The following SLC38A10 variants were observed in gnomAD, a reference collection of about 807,000 sequenced individuals.
SLC38A10 encodes solute carrier family 38 member 10.
Under a neutral mutation model 81.0 loss-of-function variants are expected in SLC38A10, and 53 were observed. The observed-to-expected ratio is 0.65, with a 90% confidence interval of 0.53 to 0.82. SLC38A10 has a LOEUF of 0.82. SLC38A10 is among the 40% of genes least tolerant of loss of function. The probability of loss-of-function intolerance (pLI) is 0.00; values close to 1 mark genes in which losing one functional copy is unlikely to be tolerated. For synonymous variants in SLC38A10, 665 were observed against 655.3 expected (o/e 1.01, Z -0.23); for missense variants, 1,471 against 1,545.0 (o/e 0.95, Z 0.80).
At chr17:81,280,971 C>T (rs1029753751) in intron 5 of SLC38A10, among the ~76,000 whole-genome samples, 1 of 152,234 alleles carries the variant, frequency 6.6e-6, no homozygotes, top group Non-Finnish European at 1.5e-5. Context: ...GTTCATCCCG[C>T]GGGCACCAGA....
chr17:81,252,930 A>G, intron 12 of SLC38A10, 143 bp downstream of exon 12: 2 of 1,218,226 alleles, frequency 1.6e-6, no homozygotes, highest in Non-Finnish European at 2.3e-6. Flanking sequence ...AAGACAGAGA[A>G]AACAAAAAGG....
rs75982513 is a variant in SLC38A10, at chr17:81,289,597, C to T, written c.217+94G>A. 0.11 allele frequency: 97,804 copies of T among 853,984 alleles called. 5,896 individuals are homozygous for T. The highest frequency in any genetic ancestry group is 0.14 in the African/African-American group (7,650 of 56,662). 52.9% of individuals were successfully genotyped at this position (853,984 alleles called of 1,614,324 possible). A position where few individuals can be genotyped will look rare whatever the true frequency, so the allele number is the denominator to read the frequency against. ...AAAAAACCCTGCTATCCAAGGAATT[C>T]TTGAAGAATCAAGTAGAGTAAATAA... On this transcript the variant is annotated intron_variant, in intron 2 of 15. Coordinates refer to ENST00000374759, the MANE Select transcript of SLC38A10 (RefSeq NM_001037984.3). This position sits in a 1 kb window ranked among gnomAD's most constrained non-coding sequence, Gnocchi z 5.9.
At chr17:81,268,464 G>A (rs558347310) in intron 10 of SLC38A10, among the ~76,000 whole-genome samples, 37 of 151,550 alleles carry the variant, frequency 2.4e-4, no homozygotes, top group African/African-American at 8.5e-4. Flanking sequence ...GGAGTGCAGT[G>A]GTGCTATCTC....
Position 81,281,269 on chromosome 17 carries a change from G to A in SLC38A10, c.502-536C>T, listed in dbSNP as rs528645744. Among the ~76,000 whole-genome samples, 10 of 152,118 alleles carry A rather than the reference G, an allele frequency of 6.6e-5. No homozygotes were observed. The East Asian group carries it at 7.7e-4, about 12-fold the overall frequency. ...CCTGGCCTCGTCCTGGTGCAAACCC[G>A]CTGTGAGACACCCAGGTTCCAGCCA... On this transcript the variant is annotated intron_variant, in intron 5 of 15. Coordinates refer to ENST00000374759, the MANE Select transcript of SLC38A10 (RefSeq NM_001037984.3). The surrounding 1 kb of genome is among the most constrained non-coding windows in gnomAD (Gnocchi z 5.3).
rs114903749 is a variant in SLC38A10, at chr17:81,259,370, G to A, written c.1288+868C>T. 7.2e-3 allele frequency among the ~76,000 whole-genome samples: 1,104 copies of A among 152,308 alleles called. 14 individuals are homozygous for A. Among genetic ancestry groups the A allele is most frequent in the African/African-American group, 0.025 (1,044 of 41,560 alleles). On this transcript the variant is annotated intron_variant, in intron 11 of 15. Coordinates refer to ENST00000374759, the MANE Select transcript of SLC38A10 (RefSeq NM_001037984.3). ...GCAGAGGGGTGTGTTGGATATGGTCGGCACACGGGCAGTGTGGATGCATAA... is the reference window on the plus strand; with the variant it reads ...GCAGAGGGGTGTGTTGGATATGGTCAGCACACGGGCAGTGTGGATGCATAA...
At position 81,260,332 on chromosome 17, in the gene SLC38A10, G is replaced by A. The variant is rs369522336; in HGVS notation, c.1194C>T (p.Ser398=). ...CTGCCAAGTCCTCGGGGACCTCCTCGCTCACAGACAGTGTGGTGACAGTGC... is the reference window on the plus strand; with the variant it reads ...CTGCCAAGTCCTCGGGGACCTCCTCACTCACAGACAGTGTGGTGACAGTGC... ...VVSTVTTLSV[S]EEVPEDLAEE... is the part of the protein sequence containing the mutation. Residue 398 remains serine (S), a synonymous_variant, in exon 11 of 16, where the codon AGC becomes AGT. Coordinates refer to ENST00000374759, the MANE Select transcript of SLC38A10 (RefSeq NM_001037984.3). 15 of 1,609,320 alleles carry A rather than the reference G, an allele frequency of 9.3e-6. No individual in the cohort carries two copies. Among genetic ancestry groups the A allele is most frequent in the South Asian group, 3.3e-5 (3 of 90,344 alleles).
chr17:81,268,239 C>T (rs369862590), intron 10 of SLC38A10, among the ~76,000 whole-genome samples: 5 of 152,180 alleles, frequency 3.3e-5, no homozygotes, highest in African/African-American at 1.2e-4. Flanking sequence ...GGCCTTCTGC[C>T]TATCCCCTGT....
chr17:81,274,553 G>A (rs781749821), intron 8 of SLC38A10, among the ~76,000 whole-genome samples: 13 of 152,198 alleles, frequency 8.5e-5, no homozygotes, highest in Non-Finnish European at 1.5e-4. Flanking sequence ...CTCAGGCTGC[G>A]GGACAGAAGA....
Position 81,289,743 on chromosome 17 carries a change from C to CA in SLC38A10, c.164dup (p.Met55IlefsTer166), listed in dbSNP as rs1026356534. On this transcript the variant is annotated frameshift_variant, in exon 2 of 16. Transcript: ENST00000374759. LOFTEE classifies it high-confidence loss of function. This position sits in a 1 kb window ranked among gnomAD's most constrained non-coding sequence, Gnocchi z 5.9. ...TCAGGCTGGCCGACTTCACCAAGAA[C>CA]ATGCACGACTGGTGCGTCATCCATG... 1 of 1,611,736 alleles carries CA rather than the reference C, an allele frequency of 6.2e-7. No homozygotes were observed. Among genetic ancestry groups the CA allele is most frequent in the Non-Finnish European group, 8.5e-7 (1 of 1,179,740 alleles).
intron 14 of SLC38A10, chr17:81,251,261 C>G (rs763425404): frequency 2.7e-6 from 4 of 1,471,276 alleles, no homozygotes; most frequent in Admixed American, 1.8e-5. Flanking sequence ...AGCCATGTGA[C>G]GATGCCGCAG....
At chr17:81,278,546 C>T (rs1377484253) in intron 6 of SLC38A10, among the ~76,000 whole-genome samples, 10 of 152,174 alleles carry the variant, frequency 6.6e-5, no homozygotes, top group Non-Finnish European at 1.3e-4. Context: ...GCCTTCCCCT[C>T]GGCCCAGGCT....
intron 3 of SLC38A10, 98 bp downstream of exon 3, chr17:81,284,752 A>G: frequency 3.4e-6 from 3 of 894,778 alleles, no homozygotes; most frequent in Non-Finnish European, 4.8e-6. Context: ...CCTAAGTTAC[A>G]GGTGAATCTG....
intron 10 of SLC38A10, among the ~76,000 whole-genome samples, chr17:81,262,088 G>A (rs551169656): frequency 5.3e-5 from 8 of 152,352 alleles, no homozygotes; most frequent in East Asian, 3.9e-4. Context: ...GGAAGAAACC[G>A]GAACTCTCGC....
chr17:81,252,346 T>C lies in SLC38A10; in HGVS notation c.1794A>G (p.Pro598=). 6.2e-7 allele frequency: 1 copy of C among 1,612,968 alleles called. No homozygotes were observed. The highest frequency in any genetic ancestry group is 8.5e-7 in the Non-Finnish European group (1 of 1,179,918). The stretch of plus-strand genomic sequence containing the variant: ...GCCGAGGATGCAGGCCCCTGTCTCC[T>C]GGCCCCAGGTCCTCCTTTGCAGGCT... ...AVQPAKEDLG[P]GDRGLHPRPQ... is the part of the protein sequence containing the mutation. The change falls in exon 13 of 16, where the codon CCA becomes CCG. Residue 598 remains proline, a synonymous_variant. Coordinates refer to ENST00000374759, the MANE Select transcript of SLC38A10 (RefSeq NM_001037984.3).
At chr17:81,292,532 C>A (rs114177238) in intron 1 of SLC38A10, among the ~76,000 whole-genome samples, 2 of 152,122 alleles carry the variant, frequency 1.3e-5, no homozygotes, top group African/African-American at 4.8e-5. Flanking sequence ...ATCCCCAAAT[C>A]GCCTGCTGGC....
chr17:81,252,778 C>G, intron 12 of SLC38A10, 95 bp from the exon 13 acceptor site: 3 of 1,489,736 alleles, frequency 2.0e-6, no homozygotes, highest in Non-Finnish European at 2.7e-6. Context: ...TTCTGGCTCC[C>G]AACAGTGTGA....
At chr17:81,246,840 C>T (rs371850583) in intron 15 of SLC38A10, 45 bp downstream of exon 15, 1 of 1,545,498 alleles carries the variant, frequency 6.5e-7, no homozygotes, top group Non-Finnish European at 8.8e-7. Context: ...CAGCAGGAGA[C>T]CCCCTGCCTG....
rs879457973 is a variant in SLC38A10, at chr17:81,288,518, C to T, written c.217+1173G>A. On this transcript the variant is annotated intron_variant, in intron 2 of 15. Transcript: ENST00000374759. This position sits in a 1 kb window ranked among gnomAD's most constrained non-coding sequence, Gnocchi z 5.4. Reference sequence around the variant, plus strand: ...GAACGTGGAGCCGAGAGGTGCCGAGCCTGTGGCGGGCAGGGAGACAGCGCG... The same window carrying T: ...GAACGTGGAGCCGAGAGGTGCCGAGTCTGTGGCGGGCAGGGAGACAGCGCG... 6.6e-5 allele frequency among the ~76,000 whole-genome samples: 10 copies of T among 152,190 alleles called. No homozygotes were observed. Among genetic ancestry groups the T allele is most frequent in the Non-Finnish European group, 1.0e-4 (7 of 68,036 alleles).
At position 81,276,729 on chromosome 17, in the gene SLC38A10, G is replaced by C. The variant is rs1426346855; in HGVS notation, c.729+302C>G. On this transcript the variant is annotated intron_variant, in intron 7 of 15. Coordinates refer to ENST00000374759, the MANE Select transcript of SLC38A10 (RefSeq NM_001037984.3). This position sits in a 1 kb window ranked among gnomAD's most constrained non-coding sequence, Gnocchi z 4.7. ...TCTACAGAGAATTAACAGAGGTCTT[G>C]GAGAGAGAGTAAGAGTGGCTCGGAT... is the stretch of plus-strand genomic sequence containing the variant. Among the ~76,000 whole-genome samples the C allele has an allele frequency of 6.6e-6, 1 of 152,184 alleles. No individual in the cohort carries two copies. The highest frequency in any genetic ancestry group is 1.5e-5 in the Non-Finnish European group (1 of 68,032).
Sources: gnomAD v4.1 joint callset for allele counts (sites outside exome capture counted in the v4.1 genomes callset) on GRCh38, gnomAD v4.1.1 for gene constraint, Gnocchi (gnomAD v3.1) non-coding constraint, MANE v1.5 for transcripts, NCBI Gene and HGNC (gene_info 2026-07-23, HGNC 2026-07-21) for gene names.